RIPOR3: variants seen among roughly 807,000 people sequenced by gnomAD.
RIPOR3 encodes the protein family with sequence similarity 65 member C.
A neutral mutation model predicts 114.3 loss-of-function variants in RIPOR3; 95 were observed. The ratio of observed to expected loss-of-function variants is 0.83; its 90% CI spans 0.70 to 0.99. The LOEUF is 0.99. Ranked by LOEUF, RIPOR3 falls within the 50% of genes least tolerant of loss-of-function variation. The pLI is 0.00. For missense variants in RIPOR3, 1,252 were observed against 1,266.9 expected, an observed-to-expected ratio of 0.99 and a Z score of 0.18; for synonymous variants, 575 against 543.8, an observed-to-expected ratio of 1.06 and a Z score of -0.80.
At chr20:50,684,423 A>G (rs1303404842) in intron 1 of RIPOR3, among the ~76,000 whole-genome samples, 1 of 152,136 alleles carries the variant, frequency 6.6e-6, no homozygotes, top group African/African-American at 2.4e-5. Flanking sequence ...AATTGTGGGG[A>G]GTGGGAAGGA....
intron 1 of RIPOR3, among the ~76,000 whole-genome samples, chr20:50,685,243 A>G (rs1487681050): frequency 5.0e-5 from 3 of 59,566 alleles, no homozygotes; most frequent in East Asian, 6.3e-4. Flanking sequence ...TTTTTTTTTG[A>G]GATGGAGTCT....
At chr20:50,596,069 A>G (rs767937393) in intron 15 of RIPOR3, 71 bp downstream of exon 15, 321 of 1,599,568 alleles carry the variant, frequency 2.0e-4, no homozygotes, top group Non-Finnish European at 2.6e-4. Flanking sequence ...ACCACCTTCA[A>G]GATGAGCCTT....
At chr20:50,618,360 C>T (rs1015344638) in intron 3 of RIPOR3, among the ~76,000 whole-genome samples, 1 of 150,876 alleles carries the variant, frequency 6.6e-6, no homozygotes, top group African/African-American at 2.5e-5. Context: ...AAAATCACTC[C>T]AGAAACCACT....
intron 14 of RIPOR3, 190 bp downstream of exon 14, chr20:50,597,390 C>T (rs1410445300): frequency 1.2e-6 from 1 of 802,086 alleles, no homozygotes. Flanking sequence ...TTCGTGGTCT[C>T]TGAGGACCGG....
intron 2 of RIPOR3, among the ~76,000 whole-genome samples, chr20:50,626,554 G>A (rs975181961): frequency 6.6e-6 from 1 of 152,200 alleles, no homozygotes; most frequent in East Asian, 1.9e-4. Flanking sequence ...CCTACCGTGG[G>A]GGCACTCTCT....
chr20:50,648,972 T>C (rs2085509065), intron 1 of RIPOR3, among the ~76,000 whole-genome samples: 1 of 152,164 alleles, frequency 6.6e-6, no homozygotes, highest in Non-Finnish European at 1.5e-5. Flanking sequence ...GAACCCTTGC[T>C]CTAAAGGATC....
chr20:50,632,562 C>T (rs4811086), intron 1 of RIPOR3, among the ~76,000 whole-genome samples: 37,636 of 152,166 alleles, frequency 0.25, 7,530 homozygotes, highest in African/African-American at 0.56. Context: ...AAGCCTGGTG[C>T]CCCATGAGTG....
chr20:50,668,897 A>C (rs1237187004), intron 1 of RIPOR3, among the ~76,000 whole-genome samples: 1 of 152,038 alleles, frequency 6.6e-6, no homozygotes, highest in East Asian at 1.9e-4. Flanking sequence ...GGCTGCACAC[A>C]CACATGCACA....
At chr20:50,591,961 G>T (rs1252281226) in intron 19 of RIPOR3, among the ~76,000 whole-genome samples, 1 of 152,162 alleles carries the variant, frequency 6.6e-6, no homozygotes, top group African/African-American at 2.4e-5. Flanking sequence ...TGGGTATGGT[G>T]GTGGGCGCCT....
At chr20:50,690,427 T>G (rs1022436280) in intron 1 of RIPOR3, among the ~76,000 whole-genome samples, 5 of 152,160 alleles carry the variant, frequency 3.3e-5, no homozygotes, top group Admixed American at 3.3e-4. Context: ...GCAGCCAGCC[T>G]CCACCCTGGG....
rs768411050 is a variant in RIPOR3, at chr20:50,597,670, A to G, written c.1700T>C (p.Leu567Pro). Residue 567 changes from leucine to proline, a missense_variant, in exon 14 of 22, where the codon CTG (leucine) becomes CCG (proline). Physicochemically the swap from Leu to Pro is moderately conservative, Grantham distance 98. Transcript: ENST00000327979. The stretch of plus-strand genomic sequence containing the variant: ...GAAGCTCTCCAGGATGCACTCCATC[A>G]GGCTCTCGGCCGAGGTGTGCTCCTG... ...ARQEHTSAES[L>P]MECILESFAF... 40 of 1,612,066 alleles carry G rather than the reference A, an allele frequency of 2.5e-5. No homozygotes were observed. Among genetic ancestry groups the G allele is most frequent in the Non-Finnish European group, 3.1e-5 (37 of 1,179,208 alleles).
At chr20:50,625,065 CTTTTG>C (rs1469544691) in intron 2 of RIPOR3, among the ~76,000 whole-genome samples, 1 of 142,860 alleles carries the variant, frequency 7.0e-6, no homozygotes, top group Non-Finnish European at 1.5e-5. Context: ...GCTCTCAGTG[CTTTTG>C]TTTTTTTTTT....
chr20:50,639,966 A>G (rs985648169), intron 1 of RIPOR3, among the ~76,000 whole-genome samples: 1 of 151,714 alleles, frequency 6.6e-6, no homozygotes, highest in Non-Finnish European at 1.5e-5. Context: ...ACACTGCCAC[A>G]CGTCCCTGTG....
rs60852878 is a variant in RIPOR3, at chr20:50,609,171, C to T, written c.640+122G>A. 2,568 of 1,345,812 alleles carry T rather than the reference C, an allele frequency of 1.9e-3. 42 individuals are homozygous for T. In the African/African-American group the frequency reaches 0.031, roughly 16 times the overall value. 83.4% of individuals were successfully genotyped at this position (1,345,812 alleles called of 1,614,324 possible). A position where few individuals can be genotyped will look rare whatever the true frequency, so the allele number is the denominator to read the frequency against. On this transcript the variant is annotated intron_variant, in intron 8 of 21. Transcript: ENST00000327979. Reference sequence around the variant, plus strand: ...GGGACTTGCCAGAAGTCACATGTCACATGGATGCAAAAGCCAGGGCTGGGC... The same window carrying T: ...GGGACTTGCCAGAAGTCACATGTCATATGGATGCAAAAGCCAGGGCTGGGC...
intron 1 of RIPOR3, among the ~76,000 whole-genome samples, chr20:50,682,574 T>C (rs948088794): frequency 4.9e-5 from 5 of 101,094 alleles, no homozygotes; most frequent in African/African-American, 1.2e-4. Context: ...ACCACTGCAC[T>C]CCAGCCTGGG....
At chr20:50,634,000 T>A (rs1458291391) in intron 1 of RIPOR3, among the ~76,000 whole-genome samples, 20 of 128,314 alleles carry the variant, frequency 1.6e-4, no homozygotes, top group African/African-American at 7.2e-4. Flanking sequence ...TTTTTTTTTT[T>A]AGACAGGGTC....
rs115842898 is a variant in RIPOR3 at position 50,636,533 on chromosome 20, G to C, written c.4-5677C>G. On this transcript the variant is annotated intron_variant, in intron 1 of 21. Transcript: ENST00000327979. ...TGAGAGACAGTGCAGAGACCCTGCT[G>C]GGCCCCAGGGCAGAGAAGGGAGGCA... 647 of 983,604 alleles carry C rather than the reference G, an allele frequency of 6.6e-4. 5 individuals carry two copies. In the African/African-American group the frequency reaches 0.011, roughly 16 times the overall value. 60.9% of individuals were successfully genotyped at this position (983,604 alleles called of 1,614,324 possible).
At chr20:50,670,203 G>C (rs2086420850) in intron 1 of RIPOR3, among the ~76,000 whole-genome samples, 1 of 151,800 alleles carries the variant, frequency 6.6e-6, no homozygotes, top group South Asian at 2.1e-4. Flanking sequence ...CTGAGCCAAG[G>C]TAGAGCCAAG....
chr20:50,596,110 C>A, intron 15 of RIPOR3, 30 bp downstream of exon 15: 1 of 1,613,718 alleles, frequency 6.2e-7, no homozygotes, highest in South Asian at 1.1e-5. Flanking sequence ...CCTGTCTGCC[C>A]CTCCCTGACA....
Sources: allele counts gnomAD v4.1 joint callset (sites outside exome capture counted in the v4.1 genomes callset), GRCh38; gene constraint gnomAD v4.1.1; transcripts MANE v1.5; gene names NCBI Gene and HGNC (gene_info 2026-07-23, HGNC 2026-07-21).